CREB5: variants seen among roughly 807,000 people sequenced by gnomAD.
CREB5 encodes the protein cyclic AMP-responsive element-binding protein 5.
Under a neutral mutation model 57.1 loss-of-function variants are expected in CREB5, and 19 were observed. The ratio of observed to expected loss-of-function variants is 0.33; its 90% CI spans 0.23 to 0.49. The LOEUF (loss-of-function observed/expected upper bound fraction) is 0.49, where lower values mean the gene tolerates loss of function less well. Among genes scored for constraint, CREB5 ranks in the 20% least tolerant of loss-of-function variants. The pLI is 0.99. For missense variants in CREB5, 579 were observed against 671.6 expected, an observed-to-expected ratio of 0.86 and a Z score of 1.52; for synonymous variants, 238 against 238.3, an observed-to-expected ratio of 1.00 and a Z score of 0.01.
chr7:28,722,639 T>A (rs1165079736), intron 6 of CREB5, among the ~76,000 whole-genome samples: 2 of 151,820 alleles, frequency 1.3e-5, no homozygotes, highest in African/African-American at 2.4e-5. Context: ...TTTAGGGGGG[T>A]GCGTGGGAGT....
intron 4 of CREB5, among the ~76,000 whole-genome samples, chr7:28,529,575 C>T (rs1267731526): frequency 6.6e-6 from 1 of 152,230 alleles, no homozygotes; most frequent in East Asian, 1.9e-4. Flanking sequence ...TCAACCCCTT[C>T]ATTCCCTCAA....
chr7:28,779,219 T>C (rs535531135), intron 7 of CREB5: 1 of 152,308 alleles, frequency 6.6e-6, no homozygotes, highest in South Asian at 2.1e-4. Context: ...AGTTCTTTCC[T>C]GGAAGAAGAG....
chr7:28,388,245 C>T (rs922040744), intron 1 of CREB5, among the ~76,000 whole-genome samples: 1 of 152,188 alleles, frequency 6.6e-6, no homozygotes. Flanking sequence ...AGGGACAAGC[C>T]TGTGGTTATG....
At chr7:28,361,188 G>T (rs1044579307) in intron 1 of CREB5, among the ~76,000 whole-genome samples, 1 of 152,164 alleles carries the variant, frequency 6.6e-6, no homozygotes, top group African/African-American at 2.4e-5. Flanking sequence ...GTTGAATAAA[G>T]CAGCGCAACT....
chr7:28,816,840 G>A (rs1175629344), intron 9 of CREB5, among the ~76,000 whole-genome samples: 1 of 152,184 alleles, frequency 6.6e-6, no homozygotes, highest in African/African-American at 2.4e-5. Context: ...TACATGTGAG[G>A]TATAATGCCT....
chr7:28,387,081 G>C (rs1361978394), intron 1 of CREB5, among the ~76,000 whole-genome samples: 1 of 152,052 alleles, frequency 6.6e-6, no homozygotes, highest in Non-Finnish European at 1.5e-5. Context: ...ATATTCCTTT[G>C]GGTATATACA....
intron 5 of CREB5, among the ~76,000 whole-genome samples, chr7:28,610,558 T>C (rs1018278176): frequency 6.6e-6 from 1 of 152,182 alleles, no homozygotes; most frequent in Non-Finnish European, 1.5e-5. Flanking sequence ...ACACAAGAAC[T>C]GCATTGACAG....
chr7:28,528,821 T>C (rs1488720773), intron 4 of CREB5, among the ~76,000 whole-genome samples: 1 of 152,132 alleles, frequency 6.6e-6, no homozygotes, highest in African/African-American at 2.4e-5. Flanking sequence ...TTCTCACTTT[T>C]AAAGAAGAAT....
chr7:28,406,453 T>C (rs1787581663), intron 1 of CREB5, among the ~76,000 whole-genome samples: 1 of 152,192 alleles, frequency 6.6e-6, no homozygotes, highest in South Asian at 2.1e-4. Flanking sequence ...GTGTCCAGCC[T>C]ATACTCCTGT....
intron 5 of CREB5, among the ~76,000 whole-genome samples, chr7:28,672,472 T>A (rs1295411689): frequency 6.6e-6 from 1 of 152,166 alleles, no homozygotes; most frequent in Non-Finnish European, 1.5e-5. Context: ...CTTTTCATAA[T>A]GCATTTATTT....
upstream of CREB5, chr7:28,409,266 C>G (rs954926255): frequency 6.6e-6 from 1 of 152,114 alleles, no homozygotes; most frequent in Non-Finnish European, 1.5e-5. The surrounding 1 kb of genome is among the most constrained non-coding windows in gnomAD (Gnocchi z 4.4). Flanking sequence ...CTCCGTCCCT[C>G]CCCAGCGGAC....
intron 1 of CREB5, among the ~76,000 whole-genome samples, chr7:28,391,199 T>G (rs1320487581): frequency 1.3e-5 from 2 of 152,200 alleles, no homozygotes; most frequent in African/African-American, 4.8e-5. Flanking sequence ...ATCATAATTT[T>G]ATCAAAATTT....
At chr7:28,459,064 G>A (rs757833799) in intron 1 of CREB5, among the ~76,000 whole-genome samples, 20 of 152,146 alleles carry the variant, frequency 1.3e-4, no homozygotes, top group African/African-American at 3.4e-4. Context: ...AACTGTAGCC[G>A]TCAGAGCCTC....
chr7:28,427,580 T>C (rs970841138), intron 1 of CREB5, among the ~76,000 whole-genome samples: 5 of 151,992 alleles, frequency 3.3e-5, no homozygotes, highest in Non-Finnish European at 7.4e-5. Context: ...CACACTTTAT[T>C]CCTTCTATCT....
intron 1 of CREB5, among the ~76,000 whole-genome samples, chr7:28,462,113 T>A (rs1467719599): frequency 6.6e-6 from 1 of 152,186 alleles, no homozygotes; most frequent in Non-Finnish European, 1.5e-5. Flanking sequence ...TAATCTACTT[T>A]CTGTCTGTTT....
chr7:28,366,649 G>T (rs932874595), intron 1 of CREB5, among the ~76,000 whole-genome samples: 1 of 152,194 alleles, frequency 6.6e-6, no homozygotes, highest in African/African-American at 2.4e-5. Flanking sequence ...TAATGATCTA[G>T]CTCTTAACTA....
Position 28,795,759 on chromosome 7 carries a change from T to C in CREB5, c.703-8440T>C, listed in dbSNP as rs149687082. Among the ~76,000 whole-genome samples the C allele has an allele frequency of 3.3e-3, 503 of 150,842 alleles. 8 individuals carry two copies. Among genetic ancestry groups the C allele is most frequent in the African/African-American group, 0.011 (441 of 41,128 alleles). ...TAAAATTAACTGTTTTTCTTTCTTT[T>C]TTTTTTTTTTTGAGACAGTATCTTG... On this transcript the variant is annotated intron_variant, in intron 7 of 10. Transcript: ENST00000357727.
chr7:28,809,425 C>T lies in CREB5; in HGVS notation c.1254+11C>T, dbSNP rs200938760. The T allele has an allele frequency of 3.1e-6, 5 of 1,595,246 alleles. No individual in the cohort carries two copies. The highest frequency in any genetic ancestry group is 2.7e-5 in the African/African-American group (2 of 74,628). Reference sequence around the variant, plus strand: ...AACATGCAGCTTCAGGTGCAGCCCACGGTGTCTTTCCCCGCGACTCAAAGG... The same window carrying T: ...AACATGCAGCTTCAGGTGCAGCCCATGGTGTCTTTCCCCGCGACTCAAAGG... On this transcript the variant is annotated intron_variant, in intron 9 of 10. Transcript: ENST00000357727.
At chr7:28,558,312 G>A (rs182565637) in intron 4 of CREB5, among the ~76,000 whole-genome samples, 2 of 152,274 alleles carry the variant, frequency 1.3e-5, no homozygotes, top group Admixed American at 1.3e-4. Flanking sequence ...ACTTCCCAGG[G>A]TAGAAATAGG....
Sources: gnomAD v4.1 joint callset for allele counts (sites outside exome capture counted in the v4.1 genomes callset) on GRCh38, gnomAD v4.1.1 for gene constraint, Gnocchi (gnomAD v3.1) non-coding constraint, MANE v1.5 for transcripts, NCBI Gene and HGNC (gene_info 2026-07-23, HGNC 2026-07-21) for gene names.